ATPAF1: variants seen among roughly 807,000 people sequenced by gnomAD.
ATPAF1 encodes homolog of yeast ATP11.
In ATPAF1, 26 loss-of-function variants were observed where a neutral mutation model predicts 43.9. The observed-to-expected ratio is 0.59, with a 90% CI of 0.43 to 0.82. The LOEUF (loss-of-function observed/expected upper bound fraction) is 0.82. Among genes scored for constraint, ATPAF1 ranks in the 40% least tolerant of loss-of-function variants. The pLI is 0.00. For missense variants in ATPAF1, 366 were observed against 435.0 expected (o/e 0.84, Z 1.41); for synonymous variants, 157 against 168.0 (o/e 0.93, Z 0.50).
intron 7 of ATPAF1, 106 bp from the exon 8 acceptor site, chr1:46,643,407 T>C (rs1326885941): frequency 3.5e-6 from 3 of 851,494 alleles, no homozygotes; most frequent in Non-Finnish European, 5.5e-6. Flanking sequence ...TAACAGCCCC[T>C]TGGGTGGCTA....
At chr1:46,645,527 C>CA (rs1394234846) in intron 6 of ATPAF1, among the ~76,000 whole-genome samples, 1 of 141,236 alleles carries the variant, frequency 7.1e-6, no homozygotes, top group Non-Finnish European at 1.6e-5. Flanking sequence ...AGCCTGGCTA[C>CA]TTTTTTTTTT....
chr1:46,665,040 A>G, intron 2 of ATPAF1: 2 of 534,128 alleles, frequency 3.7e-6, no homozygotes, highest in Non-Finnish European at 6.7e-6. Context: ...TGGGAGCAGG[A>G]AGTACCCCTC....
At chr1:46,647,593 T>G (rs1432297923) in intron 6 of ATPAF1, among the ~76,000 whole-genome samples, 1 of 152,220 alleles carries the variant, frequency 6.6e-6, no homozygotes, top group African/African-American at 2.4e-5. Context: ...CAGCATTGGT[T>G]GTTACAAATA....
At chr1:46,652,661 A>C in intron 5 of ATPAF1, 33 bp from the exon 6 acceptor site, 2 of 1,579,666 alleles carry the variant, frequency 1.3e-6, no homozygotes, top group South Asian at 1.1e-5. Context: ...GTTAACCTAC[A>C]CATAGTAAAA....
rs1331209620 is a variant in ATPAF1 at position 46,668,314 on chromosome 1, A to G, written c.9T>C (p.Ala3=). Residue 3 remains alanine, a synonymous_variant, in exon 1 of 9, where the codon GCT becomes GCC. Coordinates refer to ENST00000574428, the Ensembl canonical transcript of ATPAF1. The surrounding 1 kb of genome is among the most constrained non-coding windows in gnomAD (Gnocchi z 4.4). ...CGCCACCCGCAGCCGCCACCACCAC[A>G]GCAGCCATGGCCGCCCCCGCCTCCT... 2 of 1,373,900 alleles carry G rather than the reference A, an allele frequency of 1.5e-6. No homozygotes were observed. Among genetic ancestry groups the G allele is most frequent in the African/African-American group, 1.5e-5 (1 of 66,186 alleles). 85.1% of individuals were successfully genotyped at this position (1,373,900 alleles called of 1,614,324 possible).
At chr1:46,654,996 C>T (rs1443338762) in intron 4 of ATPAF1, among the ~76,000 whole-genome samples, 4 of 152,022 alleles carry the variant, frequency 2.6e-5, no homozygotes, top group African/African-American at 7.3e-5. Context: ...GCTGGGAAGG[C>T]GTTAAGAATC....
downstream of ATPAF1, chr1:46,634,186 T>C (rs1421133687): frequency 4.4e-6 from 1 of 229,592 alleles, no homozygotes; most frequent in African/African-American, 2.4e-5. Context: ...GCCCAACCTA[T>C]AAAAATTCTT....
chr1:46,661,473 CT>C (rs1676385851), intron 2 of ATPAF1, among the ~76,000 whole-genome samples: 2 of 152,290 alleles, frequency 1.3e-5, no homozygotes, highest in South Asian at 4.1e-4. Context: ...GTGGAAGCAC[CT>C]CATGACTACA....
chr1:46,646,069 G>A (rs1175378426), intron 6 of ATPAF1, among the ~76,000 whole-genome samples: 1 of 152,166 alleles, frequency 6.6e-6, no homozygotes, highest in Non-Finnish European at 1.5e-5. Flanking sequence ...CTAGCTACTC[G>A]GGGGCTGAGG....
chr1:46,644,282 A>AT (rs1675998953), intron 7 of ATPAF1, among the ~76,000 whole-genome samples: 1 of 139,548 alleles, frequency 7.2e-6, no homozygotes, highest in Admixed American at 7.7e-5. Flanking sequence ...CCTGGGCTCA[A>AT]TCCTGGCTCT....
At chr1:46,664,733 T>C (rs1328828204) in intron 2 of ATPAF1, 1 of 152,732 alleles carries the variant, frequency 6.5e-6, no homozygotes, top group Admixed American at 6.5e-5. Flanking sequence ...GACAGAACCA[T>C]ACCTATTCAT....
chr1:46,648,705 C>T lies in ATPAF1; in HGVS notation c.589-3449G>A, dbSNP rs369841770. Among the ~76,000 whole-genome samples, 88 of 152,028 alleles carry T rather than the reference C, an allele frequency of 5.8e-4. 1 individual carries two copies. In the South Asian group the frequency reaches 0.012, roughly 21 times the overall value. On this transcript the variant is annotated intron_variant, in intron 6 of 8. Transcript: ENST00000574428. Reference sequence around the variant, plus strand: ...ACAAGTTACATTTATGGGCCAGGTGCGGTGGCTCATGCCTGTAATCTTAGC... The same window carrying T: ...ACAAGTTACATTTATGGGCCAGGTGTGGTGGCTCATGCCTGTAATCTTAGC...
chr1:46,668,377 G>A, upstream of ATPAF1: 3 of 1,257,710 alleles, frequency 2.4e-6, no homozygotes, highest in Admixed American at 4.0e-5. The surrounding 1 kb of genome is among the most constrained non-coding windows in gnomAD (Gnocchi z 4.4). Flanking sequence ...CCCGCGGCCC[G>A]CGCGCCCGCT....
chr1:46,643,398 A>C, intron 7 of ATPAF1, 97 bp from the exon 8 acceptor site: 1 of 954,344 alleles, frequency 1.0e-6, no homozygotes. Flanking sequence ...TCTGGCTCTT[A>C]ACAGCCCCTT....
intron 4 of ATPAF1, among the ~76,000 whole-genome samples, chr1:46,655,394 C>G (rs1279460613): frequency 6.6e-6 from 1 of 152,046 alleles, no homozygotes; most frequent in African/African-American, 2.4e-5. Context: ...TTGACACTAA[C>G]GAACAAGGAA....
downstream of ATPAF1, chr1:46,634,003 AT>A (rs1675793443): frequency 2.7e-6 from 1 of 369,500 alleles, no homozygotes; most frequent in Non-Finnish European, 5.2e-6. Context: ...CAGGTCCAGA[AT>A]TTACATTAGT....
chr1:46,650,839 A>G (rs543185912), intron 6 of ATPAF1, among the ~76,000 whole-genome samples: 1 of 152,088 alleles, frequency 6.6e-6, no homozygotes, highest in East Asian at 1.9e-4. Context: ...GATCTCATAG[A>G]AGGAGAGAGT....
intron 6 of ATPAF1, among the ~76,000 whole-genome samples, chr1:46,645,852 G>A (rs1676033492): frequency 6.6e-6 from 1 of 152,112 alleles, no homozygotes; most frequent in Admixed American, 6.5e-5. Flanking sequence ...ATACTTTAAT[G>A]TATATGCGTA....
intron 8 of ATPAF1, among the ~76,000 whole-genome samples, chr1:46,639,235 TAC>T (rs57111258): frequency 1.3e-5 from 2 of 151,098 alleles, no homozygotes; most frequent in Non-Finnish European, 3.0e-5. Flanking sequence ...TATACACACA[TAC>T]ACACACACAC....
Sources: gnomAD v4.1 joint callset for allele counts (sites outside exome capture counted in the v4.1 genomes callset) on GRCh38, gnomAD v4.1.1 for gene constraint, Gnocchi (gnomAD v3.1) non-coding constraint, MANE v1.5 for transcripts, NCBI Gene and HGNC (gene_info 2026-07-23, HGNC 2026-07-21) for gene names.